Variants in PATJ observed in about 807,000 individuals in gnomAD.
PATJ encodes the protein PATJ crumbs cell polarity complex component.
In PATJ, 190 loss-of-function variants were observed where a neutral mutation model predicts 224.9. The ratio of observed to expected loss-of-function variants is 0.84; its 90% CI spans 0.75 to 0.95. PATJ has a LOEUF of 0.95. Among genes scored for constraint, PATJ ranks in the 40% least tolerant of loss-of-function variants. PATJ has a pLI of 0.00. For synonymous variants in PATJ, 769 were observed against 820.3 expected (o/e 0.94, Z 1.07); for missense variants, 2,121 against 2,270.3 (o/e 0.93, Z 1.34).
At position 61,995,630 on chromosome 1, in the gene PATJ, C is replaced by G. The variant is rs143168773; in HGVS notation, c.3867+5266C>G. ...GTCCATCAATGGCTTGGTTCACATA[C>G]AAAAGAAATTTTACATTAAGCCCCT... On this transcript the variant is annotated intron_variant, in intron 28 of 43. Transcript: ENST00000642238. Among the ~76,000 whole-genome samples, 837 of 152,268 alleles carry G rather than the reference C, an allele frequency of 5.5e-3. 2 individuals carry two copies. Among genetic ancestry groups the G allele is most frequent in the African/African-American group, 0.019 (802 of 41,560 alleles).
At chr1:61,802,703 C>T (rs1652796163) in intron 12 of PATJ, among the ~76,000 whole-genome samples, 1 of 152,010 alleles carries the variant, frequency 6.6e-6, no homozygotes, top group South Asian at 2.1e-4. Flanking sequence ...CTATAAGTTG[C>T]ATTGAATTGC....
At chr1:61,798,336 G>A (rs1651778470) in intron 11 of PATJ, among the ~76,000 whole-genome samples, 1 of 151,922 alleles carries the variant, frequency 6.6e-6, no homozygotes, top group African/African-American at 2.4e-5. Context: ...TGGGACCACG[G>A]GTGAGCACCA....
At chr1:61,892,092 C>G (rs1050360988) in intron 22 of PATJ, among the ~76,000 whole-genome samples, 3 of 152,160 alleles carry the variant, frequency 2.0e-5, no homozygotes, top group Non-Finnish European at 4.4e-5. Flanking sequence ...ATTTGCTCTG[C>G]AACTTCAAAA....
intron 43 of PATJ, among the ~76,000 whole-genome samples, chr1:62,158,916 T>C (rs1030981084): frequency 6.6e-6 from 1 of 151,982 alleles, no homozygotes; most frequent in Non-Finnish European, 1.5e-5. Context: ...ACCATTGCAC[T>C]CCAGCCTGGG....
rs551618042 is a variant in PATJ at position 61,947,094 on chromosome 1, A to C, written c.3670+19265A>C. On this transcript the variant is annotated intron_variant, in intron 27 of 43. Coordinates refer to ENST00000642238, the MANE Select transcript of PATJ (RefSeq NM_001350145.3). ...AAAATAATAAGAGCTATTTATGACA[A>C]ACCCACAGCCAACATCGTACTGAAT... Among the ~76,000 whole-genome samples the C allele has an allele frequency of 3.3e-5, 5 of 152,266 alleles. No homozygotes were observed. In the South Asian group the frequency reaches 6.2e-4, roughly 19 times the overall value.
At chr1:61,815,796 C>T (rs12407806) in intron 14 of PATJ, among the ~76,000 whole-genome samples, 63,604 of 152,048 alleles carry the variant, frequency 0.42, 14,573 homozygotes, top group Middle Eastern at 0.59. Context: ...AAGCTATTTA[C>T]AGTGACTTAA....
chr1:62,071,490 C>CTTTTTTTT (rs747065507), intron 31 of PATJ, among the ~76,000 whole-genome samples: 2 of 117,728 alleles, frequency 1.7e-5, no homozygotes, highest in African/African-American at 3.2e-5. Context: ...TTGTAGATCA[C>CTTTTTTTT]TTTTTTTTTT....
intron 41 of PATJ, among the ~76,000 whole-genome samples, chr1:62,134,924 A>G (rs564309617): frequency 6.6e-6 from 1 of 152,242 alleles, no homozygotes; most frequent in African/African-American, 2.4e-5. Context: ...GGAGGGGAGG[A>G]AGACGGATGG....
At chr1:61,934,212 G>A (rs1414065135) in intron 27 of PATJ, among the ~76,000 whole-genome samples, 3 of 152,158 alleles carry the variant, frequency 2.0e-5, no homozygotes, top group Non-Finnish European at 2.9e-5. Flanking sequence ...TCTGCCTCCC[G>A]GGTTCAAGTG....
chr1:62,003,505 T>C (rs2149622459), intron 28 of PATJ, among the ~76,000 whole-genome samples: 1 of 152,354 alleles, frequency 6.6e-6, no homozygotes, highest in South Asian at 2.1e-4. Flanking sequence ...GGAAACATTA[T>C]ACTTCACAAG....
At chr1:61,794,226 G>T (rs996294034) in intron 9 of PATJ, among the ~76,000 whole-genome samples, 5 of 151,072 alleles carry the variant, frequency 3.3e-5, no homozygotes, top group African/African-American at 1.2e-4. Context: ...TAAGAGACAA[G>T]CCTTAAGCTC....
intron 41 of PATJ, among the ~76,000 whole-genome samples, chr1:62,139,262 G>A (rs751646082): frequency 2.0e-4 from 31 of 152,014 alleles, no homozygotes; most frequent in East Asian, 7.8e-4. Context: ...ATAGCCGGGC[G>A]TGGTGGCGGG....
intron 37 of PATJ, chr1:62,117,438 C>A: frequency 7.3e-7 from 1 of 1,368,582 alleles, no homozygotes; most frequent in Non-Finnish European, 9.4e-7. Flanking sequence ...CAAATGTTTT[C>A]TTGGAAGCTC....
intron 4 of PATJ, 34 bp from the exon 5 acceptor site, chr1:61,769,249 C>T: frequency 6.3e-7 from 1 of 1,592,980 alleles, no homozygotes; most frequent in South Asian, 1.1e-5. Flanking sequence ...TAAATGTACA[C>T]CATTGACTTT....
At chr1:61,856,614 A>T (rs982810395) in intron 18 of PATJ, among the ~76,000 whole-genome samples, 5 of 151,848 alleles carry the variant, frequency 3.3e-5, no homozygotes, top group Admixed American at 3.3e-4. Context: ...TTATAGACAG[A>T]GTCTCTCTCT....
intron 29 of PATJ, among the ~76,000 whole-genome samples, chr1:62,023,290 C>CAAAAAA (rs10600520): frequency 9.5e-6 from 1 of 105,062 alleles, no homozygotes; most frequent in Non-Finnish European, 2.0e-5. Context: ...AAGTCCATCT[C>CAAAAAA]AAAAAAAAAA....
intron 41 of PATJ, among the ~76,000 whole-genome samples, 167 bp from the exon 42 acceptor site, chr1:62,148,114 CTGT>C (rs1558235657): frequency 8.0e-6 from 1 of 125,320 alleles, no homozygotes; most frequent in Non-Finnish European, 1.7e-5. Context: ...GAGTGAGACA[CTGT>C]CTTTAAAAAA....
intron 27 of PATJ, among the ~76,000 whole-genome samples, chr1:61,975,719 AC>A (rs1644092423): frequency 6.6e-6 from 1 of 151,888 alleles, no homozygotes; most frequent in African/African-American, 2.4e-5. Flanking sequence ...GGTGTTTAGA[AC>A]CTCTGTCCAC....
At chr1:61,767,673 CT>C (rs1326828792) in intron 4 of PATJ, among the ~76,000 whole-genome samples, 2 of 137,444 alleles carry the variant, frequency 1.5e-5, no homozygotes, top group Non-Finnish European at 3.1e-5. Flanking sequence ...CTTTCCTTTT[CT>C]TTTCTTTTTT....
Sources: gnomAD v4.1 joint callset for allele counts (sites outside exome capture counted in the v4.1 genomes callset) on GRCh38, gnomAD v4.1.1 for gene constraint, MANE v1.5 for transcripts, NCBI Gene and HGNC (gene_info 2026-07-23, HGNC 2026-07-21) for gene names.